ULK4: variants seen among roughly 807,000 people sequenced by gnomAD.
ULK4 encodes the protein unc-51 like kinase 4, also known as inactive serine/threonine-protein kinase ULK4.
Under a neutral mutation model 160.6 loss-of-function variants are expected in ULK4, and 133 were observed. The observed-to-expected ratio is 0.83, with a 90% CI of 0.72 to 0.96. The LOEUF (loss-of-function observed/expected upper bound fraction) is 0.96. Among genes scored for constraint, ULK4 ranks in the 40% least tolerant of loss-of-function variants. The pLI, the probability that ULK4 is intolerant of heterozygous loss-of-function variation, is 0.00. For synonymous variants in ULK4, 534 were observed against 539.8 expected, an observed-to-expected ratio of 0.99 and a Z score of 0.15; for missense variants, 1,580 against 1,499.5, an observed-to-expected ratio of 1.05 and a Z score of -0.89.
intron 22 of ULK4, among the ~76,000 whole-genome samples, chr3:41,725,354 T>G (rs2037615137): frequency 6.6e-6 from 1 of 152,162 alleles, no homozygotes; most frequent in Admixed American, 6.5e-5. Context: ...TCTATTATCG[T>G]TTATTATAAA....
chr3:41,790,156 A>C (rs2040106944), intron 20 of ULK4, among the ~76,000 whole-genome samples: 1 of 152,240 alleles, frequency 6.6e-6, no homozygotes, highest in Non-Finnish European at 1.5e-5. Flanking sequence ...ACCTGCAGAC[A>C]ATGAACTAAG....
chr3:41,408,544 T>C (rs940334819), intron 34 of ULK4, among the ~76,000 whole-genome samples: 5 of 151,658 alleles, frequency 3.3e-5, no homozygotes, highest in Admixed American at 1.3e-4. Context: ...TCAAAATCGA[T>C]CTATAGATTC....
intron 25 of ULK4, among the ~76,000 whole-genome samples, chr3:41,713,474 C>A (rs1218635726): frequency 1.3e-5 from 2 of 152,062 alleles, no homozygotes; most frequent in Non-Finnish European, 2.9e-5. Flanking sequence ...CAGTTAAGGC[C>A]AACAAACAAA....
At position 41,661,510 on chromosome 3, in the gene ULK4, T is replaced by TAGATAGATAGATA. The variant is rs11422963; in HGVS notation, c.3071+2096_3071+2097insTATCTATCTATCT. On this transcript the variant is annotated intron_variant, in intron 30 of 36. Transcript: ENST00000301831. ...GCAGATAGACAGATAGATAGATAGA[T>TAGATAGATAGATA]GATAGATAGATAGATAGATAAATAG... Among the ~76,000 whole-genome samples, 203 of 119,268 alleles carry TAGATAGATAGATA rather than the reference T, an allele frequency of 1.7e-3. 1 individual carries two copies. Among genetic ancestry groups the TAGATAGATAGATA allele is most frequent in the African/African-American group, 0.011 (197 of 18,732 alleles). The allele number at this position is 119,268 out of a possible 152,430, so 78.2% of individuals were successfully genotyped here. A position where few individuals can be genotyped will look rare whatever the true frequency, so the allele number is the denominator to read the frequency against.
intron 34 of ULK4, among the ~76,000 whole-genome samples, chr3:41,419,855 G>A (rs1200833001): frequency 6.6e-6 from 1 of 151,802 alleles, no homozygotes; most frequent in African/African-American, 2.4e-5. Context: ...TCTTCCTGAG[G>A]CCAGGGGTGC....
At chr3:41,431,411 A>C (rs2125846578) in intron 34 of ULK4, among the ~76,000 whole-genome samples, 1 of 150,334 alleles carries the variant, frequency 6.7e-6, no homozygotes, top group Non-Finnish European at 1.5e-5. Context: ...CCTACCAATA[A>C]CAATATAGCA....
At chr3:41,577,009 A>C (rs1316929105) in intron 31 of ULK4, among the ~76,000 whole-genome samples, 1 of 152,252 alleles carries the variant, frequency 6.6e-6, no homozygotes, top group African/African-American at 2.4e-5. Flanking sequence ...TTTCAATTAG[A>C]GTCGTCTTTT....
At position 41,574,352 on chromosome 3, in the gene ULK4, C is replaced by T. The variant is rs571697468; in HGVS notation, c.3121-8222G>A. On this transcript the variant is annotated intron_variant, in intron 31 of 36. Coordinates refer to ENST00000301831, the MANE Select transcript of ULK4 (RefSeq NM_017886.4). Reference sequence around the variant, plus strand: ...CGGGACTACTGCCTCCCTATTGTTCCCTCATCTAGTCAGCCACAAAGTACC... The same window carrying T: ...CGGGACTACTGCCTCCCTATTGTTCTCTCATCTAGTCAGCCACAAAGTACC... Among the ~76,000 whole-genome samples the T allele has an allele frequency of 1.2e-4, 18 of 152,052 alleles. 1 individual carries two copies. In the East Asian group the frequency reaches 3.5e-3, roughly 30 times the overall value.
At chr3:41,494,565 G>A (rs1447692423) in intron 32 of ULK4, among the ~76,000 whole-genome samples, 1 of 151,846 alleles carries the variant, frequency 6.6e-6, no homozygotes, top group Non-Finnish European at 1.5e-5. Flanking sequence ...ACATAGTGTT[G>A]GAAGTTCTGG....
intron 18 of ULK4, among the ~76,000 whole-genome samples, chr3:41,834,955 C>A (rs1042073895): frequency 6.6e-6 from 1 of 152,030 alleles, no homozygotes; most frequent in African/African-American, 2.4e-5. Flanking sequence ...GTAAATACTA[C>A]TTTTTGTGCA....
chr3:41,826,527 G>T (rs2041361143), intron 18 of ULK4, among the ~76,000 whole-genome samples: 1 of 150,676 alleles, frequency 6.6e-6, no homozygotes, highest in African/African-American at 2.5e-5. Flanking sequence ...TGATAAAACA[G>T]ACTTTAAACC....
intron 35 of ULK4, among the ~76,000 whole-genome samples, chr3:41,286,313 G>A (rs1487842790): frequency 6.6e-6 from 1 of 152,148 alleles, no homozygotes; most frequent in East Asian, 1.9e-4. Flanking sequence ...GTGGGGCTGA[G>A]AGAGACAGCT....
At chr3:41,276,199 T>C (rs181410192) in intron 35 of ULK4, among the ~76,000 whole-genome samples, 64 of 152,348 alleles carry the variant, frequency 4.2e-4, no homozygotes, top group Middle Eastern at 3.4e-3. Context: ...CTCCTATAGT[T>C]ATCTGATGAT....
At chr3:41,917,311 T>C (rs2148810045) in intron 7 of ULK4, among the ~76,000 whole-genome samples, 1 of 152,090 alleles carries the variant, frequency 6.6e-6, no homozygotes, top group African/African-American at 2.4e-5. Context: ...CAAGACAAGC[T>C]AGGCTACATA....
intron 35 of ULK4, among the ~76,000 whole-genome samples, chr3:41,394,074 T>C (rs1367490318): frequency 6.6e-6 from 1 of 152,152 alleles, no homozygotes; most frequent in Non-Finnish European, 1.5e-5. Flanking sequence ...ACACAGAGAC[T>C]ACCACAAGTA....
At chr3:41,925,800 G>C (rs1243959224) in intron 5 of ULK4, among the ~76,000 whole-genome samples, 1 of 152,070 alleles carries the variant, frequency 6.6e-6, no homozygotes, top group Non-Finnish European at 1.5e-5. Context: ...AGAGCGAACT[G>C]GGTGGAGCCC....
chr3:41,811,886 A>G (rs1329518667), intron 19 of ULK4, among the ~76,000 whole-genome samples: 2 of 152,226 alleles, frequency 1.3e-5, no homozygotes, highest in African/African-American at 4.8e-5. Flanking sequence ...TGAATGTATT[A>G]AAGTAATTTT....
At chr3:41,638,247 C>A (rs930202921) in intron 30 of ULK4, among the ~76,000 whole-genome samples, 7 of 151,998 alleles carry the variant, frequency 4.6e-5, no homozygotes, top group Non-Finnish European at 5.9e-5. Context: ...GAGAGTGATT[C>A]TTTTTCATGT....
At position 41,792,298 on chromosome 3, in the gene ULK4, T is replaced by A. The variant is rs1404480477; in HGVS notation, c.2011-2455A>T. On this transcript the variant is annotated intron_variant, in intron 20 of 36. Transcript: ENST00000301831. ...TGAGAGGTAGGGGTGTGTGTGTGTA[T>A]AGAAAGTAATCTTTAAAAAATAAAA... 2.6e-5 allele frequency among the ~76,000 whole-genome samples: 4 copies of A among 152,258 alleles called. No homozygotes were observed. In the South Asian group the frequency reaches 8.3e-4, roughly 32 times the overall value.
Sources: gnomAD v4.1 joint callset for allele counts (sites outside exome capture counted in the v4.1 genomes callset) on GRCh38, gnomAD v4.1.1 for gene constraint, MANE v1.5 for transcripts, NCBI Gene and HGNC (gene_info 2026-07-23, HGNC 2026-07-21) for gene names.